Variants in ARL13B observed in about 807,000 individuals in gnomAD.
ARL13B encodes the protein ARF like GTPase 13B, also known as ADP-ribosylation factor-like protein 13B.
A neutral mutation model predicts 56.1 loss-of-function variants in ARL13B; 36 were observed. The ratio of observed to expected loss-of-function variants is 0.64; its 90% CI spans 0.49 to 0.85. The LOEUF is 0.85. ARL13B is among the 40% of genes least tolerant of loss of function. ARL13B has a pLI of 0.00. For synonymous variants in ARL13B, 178 were observed against 171.1 expected, an observed-to-expected ratio of 1.04 and a Z score of -0.32; for missense variants, 519 against 507.1, an observed-to-expected ratio of 1.02 and a Z score of -0.23.
intron 1 of ARL13B, chr3:93,988,651 TTCTC>T: frequency 4.0e-6 from 2 of 496,606 alleles, no homozygotes; most frequent in Non-Finnish European, 8.0e-6. Flanking sequence ...CTTGGCTTCT[TTCTC>T]TCCTGCTTCA....
intron 7 of ARL13B, chr3:94,047,737 A>T (rs1305600261): frequency 6.6e-6 from 1 of 152,144 alleles, no homozygotes; most frequent in Non-Finnish European, 1.5e-5. Context: ...CCCTGAACTA[A>T]TGCCTACCCT....
intron 3 of ARL13B, among the ~76,000 whole-genome samples, chr3:94,022,160 G>T (rs963221333): frequency 1.3e-5 from 2 of 151,938 alleles, no homozygotes; most frequent in Non-Finnish European, 2.9e-5. Context: ...TTTCGCTGTT[G>T]TCACCCAGGC....
At chr3:94,011,826 C>T (rs2107471689) in intron 3 of ARL13B, among the ~76,000 whole-genome samples, 1 of 152,194 alleles carries the variant, frequency 6.6e-6, no homozygotes, top group South Asian at 2.1e-4. Flanking sequence ...CTTATTCAAA[C>T]TTCTGGAAAG....
chr3:94,030,576 C>T (rs974623569), intron 3 of ARL13B, among the ~76,000 whole-genome samples: 1 of 151,914 alleles, frequency 6.6e-6, no homozygotes, highest in African/African-American at 2.4e-5. Flanking sequence ...AATACACAAA[C>T]GATCTCTAAA....
intron 6 of ARL13B, among the ~76,000 whole-genome samples, chr3:94,042,009 A>G (rs551750772): frequency 6.6e-6 from 1 of 152,212 alleles, no homozygotes; most frequent in Non-Finnish European, 1.5e-5. Context: ...GTGAGCCGAG[A>G]TCGTGCCACT....
chr3:94,014,545 T>C, intron 3 of ARL13B: 1 of 1,613,016 alleles, frequency 6.2e-7, no homozygotes, highest in Non-Finnish European at 8.5e-7. Context: ...CTCTCCTTGT[T>C]CCTCTACTAA....
chr3:94,019,962 T>C (rs768054554), intron 3 of ARL13B, among the ~76,000 whole-genome samples: 12 of 152,234 alleles, frequency 7.9e-5, no homozygotes, highest in Non-Finnish European at 1.2e-4. Flanking sequence ...TTTGTCACCC[T>C]ATTTTGAACT....
At chr3:93,989,714 GT>G (rs1287265773) in intron 1 of ARL13B, among the ~76,000 whole-genome samples, 3 of 152,038 alleles carry the variant, frequency 2.0e-5, no homozygotes, top group African/African-American at 7.3e-5. Context: ...GAAAAGTAAT[GT>G]GCCATATAGC....
At chr3:94,003,958 C>G in intron 3 of ARL13B, 50 bp downstream of exon 3, 2 of 1,609,884 alleles carry the variant, frequency 1.2e-6, no homozygotes, top group Non-Finnish European at 1.7e-6. Context: ...GCATTGGCCA[C>G]TAAAGAAATT....
chr3:93,993,880 G>T (rs1388277836), intron 1 of ARL13B, among the ~76,000 whole-genome samples: 1 of 152,154 alleles, frequency 6.6e-6, no homozygotes, highest in East Asian at 1.9e-4. Context: ...TCTATAATCT[G>T]CTGTGGGTCT....
chr3:94,025,466 G>T (rs914748108), intron 3 of ARL13B, among the ~76,000 whole-genome samples: 13 of 152,138 alleles, frequency 8.5e-5, no homozygotes, highest in African/African-American at 2.9e-4. Flanking sequence ...GAATATTTAT[G>T]TGAAAGATCC....
At position 94,035,335 on chromosome 3, in the gene ARL13B, G is replaced by T; in HGVS notation, c.385G>T (p.Ala129Ser). The stretch of plus-strand genomic sequence containing the variant: ...AGTACTTTAATTATCTTTCAGGTTG[G>T]CAAATAAACAAGATAAAGAAGGAGC... ...RISGKPILVLANKQDKEGALG... is the reference protein window; with the variant it reads ...RISGKPILVLSNKQDKEGALG... Residue 129 changes from alanine (A) to serine (S), a missense_variant, in exon 4 of 10, where the codon GCA becomes TCA. Coordinates refer to ENST00000394222, the MANE Select transcript of ARL13B (RefSeq NM_001174150.2). 1.2e-6 allele frequency: 2 copies of T among 1,604,958 alleles called. No homozygotes were observed. The highest frequency in any genetic ancestry group is 1.1e-5 in the South Asian group (1 of 89,848).
chr3:93,992,344 C>T (rs1313446678), intron 1 of ARL13B, among the ~76,000 whole-genome samples: 1 of 152,018 alleles, frequency 6.6e-6, no homozygotes, highest in African/African-American at 2.4e-5. Context: ...CAGGAACTGC[C>T]GACTCAGTTG....
intron 3 of ARL13B, among the ~76,000 whole-genome samples, chr3:94,021,407 C>T (rs1227856885): frequency 6.6e-6 from 1 of 151,960 alleles, no homozygotes; most frequent in Non-Finnish European, 1.5e-5. Flanking sequence ...GTTGGCCAGG[C>T]TCATCTTGAA....
chr3:94,049,585 AAAG>A (rs2077038223), intron 8 of ARL13B, 63 bp downstream of exon 8: 1 of 1,172,954 alleles, frequency 8.5e-7, no homozygotes, highest in Non-Finnish European at 1.3e-6. Flanking sequence ...AGAAAAAAAA[AAAG>A]AAAAAAGGAA....
chr3:94,031,372 A>G (rs1231277503), intron 3 of ARL13B, among the ~76,000 whole-genome samples: 1 of 152,116 alleles, frequency 6.6e-6, no homozygotes, highest in Non-Finnish European at 1.5e-5. Flanking sequence ...ATGTTTATCT[A>G]TAACTCCTAG....
chr3:94,040,259 G>A (rs962428990), intron 6 of ARL13B, among the ~76,000 whole-genome samples: 2 of 152,184 alleles, frequency 1.3e-5, no homozygotes, highest in African/African-American at 2.4e-5. Flanking sequence ...TATAGTTGCT[G>A]TGTTGACAAA....
intron 3 of ARL13B, among the ~76,000 whole-genome samples, chr3:94,004,283 GTTA>G (rs1468538245): frequency 6.6e-6 from 1 of 151,988 alleles, no homozygotes; most frequent in East Asian, 1.9e-4. Context: ...TCCTTAAAGA[GTTA>G]TTATTTCAGA....
At chr3:94,026,775 C>T (rs545436254) in intron 3 of ARL13B, among the ~76,000 whole-genome samples, 51 of 152,182 alleles carry the variant, frequency 3.4e-4, no homozygotes, top group African/African-American at 1.2e-3. Flanking sequence ...TATGAATCAT[C>T]TTTTATTATG....
Sources: gnomAD v4.1 joint callset for allele counts (sites outside exome capture counted in the v4.1 genomes callset) on GRCh38, gnomAD v4.1.1 for gene constraint, MANE v1.5 for transcripts, NCBI Gene and HGNC (gene_info 2026-07-23, HGNC 2026-07-21) for gene names.